The following ITFG1 variants were observed in gnomAD, a reference collection of about 807,000 sequenced individuals.
ITFG1 encodes the protein integrin alpha FG-GAP repeat containing 1.
Under a neutral mutation model 81.8 loss-of-function variants are expected in ITFG1, and 34 were observed. That is an observed-to-expected ratio of 0.42 (90% CI 0.32 to 0.55). The LOEUF is 0.55. ITFG1 is among the 20% of genes least tolerant of loss of function. ITFG1 has a pLI of 0.17. For synonymous variants in ITFG1, 285 were observed against 270.6 expected (o/e 1.05, Z -0.52); for missense variants, 672 against 755.4 (o/e 0.89, Z 1.29).
At chr16:47,439,969 C>T (rs1009513865) in intron 5 of ITFG1, among the ~76,000 whole-genome samples, 3 of 151,532 alleles carry the variant, frequency 2.0e-5, no homozygotes, top group African/African-American at 7.3e-5. Context: ...CACATAGGCT[C>T]AAAATAAAGG....
At chr16:47,264,578 AC>A (rs1966253296) in intron 10 of ITFG1, among the ~76,000 whole-genome samples, 4 of 151,826 alleles carry the variant, frequency 2.6e-5, no homozygotes, top group African/African-American at 9.7e-5. Context: ...ACACACACAC[AC>A]ACACACACAC....
At chr16:47,291,693 T>A (rs554801127) in intron 10 of ITFG1, among the ~76,000 whole-genome samples, 1 of 152,338 alleles carries the variant, frequency 6.6e-6, no homozygotes, top group South Asian at 2.1e-4. Context: ...ATCTACATAT[T>A]TAAAGGTTCT....
At chr16:47,281,913 G>C (rs1313389550) in intron 10 of ITFG1, among the ~76,000 whole-genome samples, 3 of 151,794 alleles carry the variant, frequency 2.0e-5, no homozygotes, top group Non-Finnish European at 4.4e-5. Flanking sequence ...TTGTTACATG[G>C]ACATATTATG....
chr16:47,377,667 C>T (rs1006262323), intron 6 of ITFG1, among the ~76,000 whole-genome samples: 2 of 152,112 alleles, frequency 1.3e-5, no homozygotes, highest in Non-Finnish European at 2.9e-5. Flanking sequence ...TCTAGAGTTC[C>T]TTCCTCTCCC....
intron 6 of ITFG1, among the ~76,000 whole-genome samples, chr16:47,419,535 CT>C (rs1281782208): frequency 6.0e-5 from 9 of 151,250 alleles, no homozygotes; most frequent in Non-Finnish European, 1.2e-4. Flanking sequence ...GACTCTCAAA[CT>C]GCTGGGATTA....
intron 10 of ITFG1, among the ~76,000 whole-genome samples, chr16:47,288,038 C>T (rs1451238654): frequency 1.3e-5 from 2 of 152,162 alleles, no homozygotes; most frequent in East Asian, 3.8e-4. Context: ...GAGAAATGGT[C>T]CTGCTGTACA....
intron 5 of ITFG1, among the ~76,000 whole-genome samples, chr16:47,444,266 G>A (rs1252911569): frequency 6.6e-6 from 1 of 152,062 alleles, no homozygotes; most frequent in African/African-American, 2.4e-5. Context: ...AGATTGTAAA[G>A]CAACATGCTA....
At chr16:47,206,781 T>C (rs1457537457) in intron 14 of ITFG1, among the ~76,000 whole-genome samples, 1 of 152,200 alleles carries the variant, frequency 6.6e-6, no homozygotes, top group East Asian at 1.9e-4. Flanking sequence ...AGCCTGCCCA[T>C]TTCTCTCCAT....
At chr16:47,209,654 TCAC>T (rs930176507) in intron 14 of ITFG1, among the ~76,000 whole-genome samples, 7 of 152,176 alleles carry the variant, frequency 4.6e-5, no homozygotes, top group African/African-American at 1.7e-4. Context: ...AACGTTTCCA[TCAC>T]CACAAGGATC....
At chr16:47,229,647 A>T (rs919403206) in intron 13 of ITFG1, among the ~76,000 whole-genome samples, 1 of 151,918 alleles carries the variant, frequency 6.6e-6, no homozygotes, top group African/African-American at 2.4e-5. Flanking sequence ...GACAGAGAGA[A>T]GGGACAGTTG....
intron 8 of ITFG1, among the ~76,000 whole-genome samples, chr16:47,332,839 T>G (rs1313758505): frequency 2.0e-5 from 3 of 152,192 alleles, no homozygotes; most frequent in African/African-American, 7.2e-5. Flanking sequence ...ACATCAGGAT[T>G]TTCACGTCAG....
At chr16:47,173,686 C>T (rs968176472) in intron 14 of ITFG1, among the ~76,000 whole-genome samples, 1 of 152,220 alleles carries the variant, frequency 6.6e-6, no homozygotes, top group Non-Finnish European at 1.5e-5. Flanking sequence ...TTTGTCCAGG[C>T]TTGCATTATA....
chr16:47,437,879 C>T (rs1163070949), intron 5 of ITFG1, among the ~76,000 whole-genome samples: 4 of 152,182 alleles, frequency 2.6e-5, no homozygotes, highest in East Asian at 1.9e-4. Context: ...AAAAGCAGGG[C>T]GAGGCATCGC....
rs376772248 is a variant in ITFG1 at position 47,410,569 on chromosome 16, C to T, written c.655+18235G>A. Among the ~76,000 whole-genome samples, 7 of 152,054 alleles carry T rather than the reference C, an allele frequency of 4.6e-5. No individual in the cohort carries two copies. The East Asian group carries it at 7.8e-4, about 17-fold the overall frequency. On this transcript the variant is annotated intron_variant, in intron 6 of 17. Transcript: ENST00000320640. ...ACACTGAGAGTTGGCAGAGAGGTGA[C>T]GCAGACAACAGGTCTGAAGAGGGAG...
chr16:47,422,776 T>TC (rs1460558066), intron 6 of ITFG1, among the ~76,000 whole-genome samples: 4 of 152,186 alleles, frequency 2.6e-5, no homozygotes, highest in African/African-American at 7.2e-5. Flanking sequence ...AGTTTTTTTT[T>TC]CCCATAGATG....
intron 6 of ITFG1, among the ~76,000 whole-genome samples, chr16:47,423,067 T>C (rs1179122396): frequency 1.3e-5 from 2 of 152,186 alleles, no homozygotes; most frequent in Admixed American, 6.5e-5. Flanking sequence ...CTAAGTCTCT[T>C]TGTAGGTCAC....
chr16:47,422,911 G>T (rs928522130), intron 6 of ITFG1, among the ~76,000 whole-genome samples: 4 of 152,150 alleles, frequency 2.6e-5, no homozygotes, highest in African/African-American at 9.7e-5. Context: ...TTGATTTGGG[G>T]TGGACAGTTC....
chr16:47,159,856 A>G (rs938476314), intron 16 of ITFG1, among the ~76,000 whole-genome samples: 2 of 152,176 alleles, frequency 1.3e-5, no homozygotes, highest in Non-Finnish European at 2.9e-5. Flanking sequence ...TTATTGATCC[A>G]TAAGTTAGCT....
At chr16:47,187,841 G>C (rs896542841) in intron 14 of ITFG1, among the ~76,000 whole-genome samples, 5 of 152,088 alleles carry the variant, frequency 3.3e-5, no homozygotes, top group African/African-American at 1.2e-4. Context: ...CAAAATGGGA[G>C]AAAATCTTCG....
Sources: gnomAD v4.1 joint callset for allele counts (sites outside exome capture counted in the v4.1 genomes callset) on GRCh38, gnomAD v4.1.1 for gene constraint, MANE v1.5 for transcripts, NCBI Gene and HGNC (gene_info 2026-07-23, HGNC 2026-07-21) for gene names.